Variants in POLE observed in about 807,000 individuals in gnomAD.
POLE encodes the protein DNA polymerase epsilon catalytic subunit A.
A neutral mutation model predicts 279.2 loss-of-function variants in POLE; 188 were observed. That is an observed-to-expected ratio of 0.67 (90% CI 0.60 to 0.76). The LOEUF (loss-of-function observed/expected upper bound fraction) is 0.76, where lower values mean the gene tolerates loss of function less well. Ranked by LOEUF, POLE falls within the 30% of genes least tolerant of loss-of-function variation. POLE has a pLI of 0.00. For synonymous variants in POLE, 1,214 were observed against 1,172.5 expected (o/e 1.04, Z -0.72); for missense variants, 2,703 against 3,016.7 (o/e 0.90, Z 2.44).
Position 132,668,182 on chromosome 12 carries a change from C to T in POLE, c.2173+174G>A, listed in dbSNP as rs2042838432. On this transcript the variant is annotated intron_variant, in intron 19 of 48. Transcript: ENST00000320574. This position sits in a 1 kb window ranked among gnomAD's most constrained non-coding sequence, Gnocchi z 4.0. ...TGTCTAACACTTGCAGATGGGGAAG[C>T]AAATAAAGGACCCTGCAGTGAGAGC... Among the ~76,000 whole-genome samples the T allele has an allele frequency of 6.6e-6, 1 of 152,148 alleles. No homozygotes were observed. Among genetic ancestry groups the T allele is most frequent in the African/African-American group, 2.4e-5 (1 of 41,428 alleles).
At position 132,624,709 on chromosome 12, in the gene POLE, C is replaced by G; in HGVS notation, c.6849G>C (p.Gln2283His). 6.2e-7 allele frequency: 1 copy of G among 1,608,868 alleles called. No individual in the cohort carries two copies. Among genetic ancestry groups the G allele is most frequent in the African/African-American group, 1.3e-5 (1 of 74,926 alleles). ...TLEWLLQKNP[Q>H]LGH ...GGCCCGGGGCTGGCTAATGGCCCAG[C>G]TGTGGGTTCTTCTGCAGCAGCCACT... The change falls in exon 49 of 49, where the codon CAG (glutamine) becomes CAC (histidine). Residue 2283 changes from glutamine to histidine, a missense_variant. This residue lies in a region of POLE where 1,551 missense variants were observed against 1,686.1 expected (regional missense o/e 0.92). Coordinates refer to ENST00000320574, the MANE Select transcript of POLE (RefSeq NM_006231.4).
chr12:132,673,198 G>A lies in POLE; in HGVS notation c.1439C>T (p.Ala480Val), dbSNP rs951851739. 6.2e-7 allele frequency: 1 copy of A among 1,613,132 alleles called. No homozygotes were observed. Among genetic ancestry groups the A allele is most frequent in the Non-Finnish European group, 8.5e-7 (1 of 1,179,052 alleles). ...CTCCATGGGAATAATGGTGCACAGAGCAAAGATGAATGGGTGGACGTACTT... is the reference window on the plus strand; with the variant it reads ...CTCCATGGGAATAATGGTGCACAGAACAAAGATGAATGGGTGGACGTACTT... Reference protein sequence around the residue: ...YMKYVHPFIFALCTIIPMEPD... With the variant: ...YMKYVHPFIFVLCTIIPMEPD... The change falls in exon 14 of 49, where the codon GCT (alanine) becomes GTT (valine). Residue 480 changes from alanine to valine, a missense_variant. This residue lies in a region of POLE where 1,011 missense variants were observed against 1,111.7 expected (regional missense o/e 0.91). Transcript: ENST00000320574.
In POLE at chr12:132,665,513, A is replaced by G. The variant is rs2042777110; in HGVS notation, c.2320-63T>C. The G allele has an allele frequency of 3.3e-6, 5 of 1,533,756 alleles. No homozygotes were observed. The South Asian group carries it at 4.8e-5, about 15-fold the overall frequency. The stretch of plus-strand genomic sequence containing the variant: ...TTCCATTTCACATTCTACAAAGTCA[A>G]TAGCCCAGGTTTTTAGTATTTTGAA... On this transcript the variant is annotated intron_variant, in intron 20 of 48. Transcript: ENST00000320574.
At chr12:132,683,254 G>A (rs2043204479) in intron 1 of POLE, among the ~76,000 whole-genome samples, 1 of 152,142 alleles carries the variant, frequency 6.6e-6, no homozygotes, top group African/African-American at 2.4e-5. Flanking sequence ...GGTGGGCGCA[G>A]TGTAATCACA....
intron 16 of POLE, among the ~76,000 whole-genome samples, chr12:132,671,678 G>GAAAAAAAAAAA (rs59237637): frequency 1.4e-5 from 1 of 72,544 alleles, no homozygotes; most frequent in Non-Finnish European, 2.4e-5. Context: ...CTCAAAAAGG[G>GAAAAAAAAAAA]AAAAAAAAAA....
rs1555228110 is a variant in POLE at position 132,672,211 on chromosome 12, T to C, written c.1794+4A>G. ...CTGGCTCTTCCTGCCTCCCTGATGG[T>C]TACCTCTTCAAAGTTGGTGACTTGC... On this transcript the variant is annotated splice_donor_region_variant and intron_variant, in intron 16 of 48. Transcript: ENST00000320574. The C allele has an allele frequency of 6.2e-7, 1 of 1,606,536 alleles. No individual in the cohort carries two copies. Among genetic ancestry groups the C allele is most frequent in the South Asian group, 1.1e-5 (1 of 90,944 alleles).
chr12:132,641,599 G>A, intron 39 of POLE, 48 bp downstream of exon 39: 2 of 1,526,544 alleles, frequency 1.3e-6, no homozygotes, highest in East Asian at 2.3e-5. Context: ...TAAGGGCAAA[G>A]GATAAGACCC....
At chr12:132,648,109 A>G (rs2042328741) in intron 32 of POLE, among the ~76,000 whole-genome samples, 1 of 152,198 alleles carries the variant, frequency 6.6e-6, no homozygotes, top group Non-Finnish European at 1.5e-5. Flanking sequence ...TGGAGATGCC[A>G]TCTAAGAGCC....
Position 132,664,524 on chromosome 12 carries a change from G to A in POLE, c.2469-62C>T. On this transcript the variant is annotated intron_variant, in intron 21 of 48. Transcript: ENST00000320574. The surrounding 1 kb of genome is among the most constrained non-coding windows in gnomAD (Gnocchi z 5.3). ...ATGGCTCCTCCAGGGGGTATCAGAGGCAGTGAGGAGTAGGGAGGAGGAAAG... is the reference window on the plus strand; with the variant it reads ...ATGGCTCCTCCAGGGGGTATCAGAGACAGTGAGGAGTAGGGAGGAGGAAAG... 10 of 1,242,250 alleles carry A rather than the reference G, an allele frequency of 8.0e-6. No individual in the cohort carries two copies. The highest frequency in any genetic ancestry group is 1.7e-5 in the Admixed American group (1 of 58,450). The allele number at this position is 1,242,250 out of a possible 1,614,324, so 77.0% of individuals were successfully genotyped here.
rs748644914 is a variant in POLE at position 132,641,699 on chromosome 12, C to G, written c.5326G>C (p.Ala1776Pro). ...LEDMITGGQA[A>P]SAPASYDETA... Reference sequence around the variant, plus strand: ...TCATCGTAGCTGGCCGGGGCACTGGCAGCCTGACCACCCGTGATCATGTCC... The same window carrying G: ...TCATCGTAGCTGGCCGGGGCACTGGGAGCCTGACCACCCGTGATCATGTCC... Residue 1776 changes from alanine to proline, a missense_variant, in exon 39 of 49, where the codon GCC becomes CCC. Ala to Pro is a conservative substitution (Grantham distance 27, BLOSUM62 -1). This residue lies in a region of POLE where 1,551 missense variants were observed against 1,686.1 expected (regional missense o/e 0.92). Transcript: ENST00000320574. The G allele has an allele frequency of 3.7e-6, 6 of 1,613,814 alleles. 1 individual carries two copies. The South Asian group carries it at 6.6e-5, about 18-fold the overall frequency.
At chr12:132,659,832 C>A (rs753811141) in intron 25 of POLE, 12 of 294,744 alleles carry the variant, frequency 4.1e-5, no homozygotes, top group Middle Eastern at 2.3e-3. Flanking sequence ...GCTGAGATTA[C>A]AGGCACATGC....
intron 13 of POLE, 133 bp from the exon 14 acceptor site, chr12:132,673,410 A>T: frequency 8.4e-7 from 1 of 1,193,412 alleles, no homozygotes; most frequent in Non-Finnish European, 1.2e-6. Context: ...AGGACAAAAC[A>T]CGTGTGTCCC....
At chr12:132,662,194 T>C (rs1310037904) in intron 23 of POLE, among the ~76,000 whole-genome samples, 1 of 152,212 alleles carries the variant, frequency 6.6e-6, no homozygotes, top group African/African-American at 2.4e-5. Context: ...CCAACAGCAC[T>C]GTGGACATAC....
At chr12:132,663,942 G>C in intron 23 of POLE, 62 bp downstream of exon 23, 1 of 1,581,572 alleles carries the variant, frequency 6.3e-7, no homozygotes, top group Non-Finnish European at 8.7e-7. Context: ...TGCAGAGCCA[G>C]TGACATCAGG....
At chr12:132,638,615 G>A (rs5744966) in intron 40 of POLE, 6,686 of 166,914 alleles carry the variant, frequency 0.04, 263 homozygotes, top group Admixed American at 0.12. Context: ...CTGTGGGGCC[G>A]CTCTGGTGAA....
rs1347301977 is a variant in POLE at position 132,625,647 on chromosome 12, G to C, written c.6655C>G (p.Leu2219Val). 3.1e-6 allele frequency: 5 copies of C among 1,613,494 alleles called. No individual in the cohort carries two copies. Among genetic ancestry groups the C allele is most frequent in the Non-Finnish European group, 4.2e-6 (5 of 1,180,008 alleles). Residue 2219 changes from leucine to valine, a missense_variant and splice_region_variant, in exon 47 of 49, where the codon CTG (leucine) becomes GTG (valine). Leu to Val is a conservative substitution (Grantham distance 32). Transcript: ENST00000320574. ...KKLMAFTLQD[L>V]VCLKCRGVKE... is the part of the protein sequence containing the mutation. The stretch of plus-strand genomic sequence containing the variant: ...GGCAGGCGGCATGCACGACTCACCA[G>C]GTCCTGCAGGGTGAAGGCCATCAGC...
chr12:132,681,879 T>C (rs965256467), intron 1 of POLE, among the ~76,000 whole-genome samples: 3 of 152,128 alleles, frequency 2.0e-5, no homozygotes, highest in African/African-American at 4.8e-5. Flanking sequence ...CTGACATGAT[T>C]TGAATAAAAC....
At position 132,654,261 on chromosome 12, in the gene POLE, C is replaced by T. The variant is rs146365727; in HGVS notation, c.3582+2875G>A. 3.9e-3 allele frequency among the ~76,000 whole-genome samples: 591 copies of T among 150,230 alleles called. 2 individuals are homozygous for T. The highest frequency in any genetic ancestry group is 0.014 in the African/African-American group (556 of 40,846). ...CTTTTTTTTTTCTTTTTGTGGAGAA[C>T]GGGGTCTCGCTATATTGCCCAGGCA... On this transcript the variant is annotated intron_variant, in intron 29 of 48. Transcript: ENST00000320574.
chr12:132,676,342 C>T, intron 9 of POLE, 138 bp from the exon 10 acceptor site: 1 of 735,504 alleles, frequency 1.4e-6, no homozygotes, highest in Non-Finnish European at 2.3e-6. Flanking sequence ...CTTTAAGCTT[C>T]CTGAGAAGAG....
Sources: allele counts gnomAD v4.1 joint callset (sites outside exome capture counted in the v4.1 genomes callset), GRCh38; gene constraint gnomAD v4.1.1; regional missense constraint gnomAD v4.1.1; non-coding constraint Gnocchi (gnomAD v3.1); transcripts MANE v1.5; gene names NCBI Gene and HGNC (gene_info 2026-07-23, HGNC 2026-07-21).